Variants in LRRC4C observed in about 807,000 individuals in gnomAD.
The protein encoded by LRRC4C is leucine rich repeat containing 4C.
Under a neutral mutation model 33.6 loss-of-function variants are expected in LRRC4C, and 5 were observed. That is an observed-to-expected ratio of 0.15 (90% CI 0.08 to 0.31). The LOEUF (loss-of-function observed/expected upper bound fraction) is 0.31. LRRC4C is among the 10% of genes least tolerant of loss of function. The pLI, the probability that LRRC4C is intolerant of heterozygous loss-of-function variation, is 1.00. For missense variants in LRRC4C, 560 were observed against 796.7 expected, an observed-to-expected ratio of 0.70 and a Z score of 3.58; for synonymous variants, 329 against 302.0, an observed-to-expected ratio of 1.09 and a Z score of -0.93.
chr11:40,336,873 A>T lies in LRRC4C; in HGVS notation c.-269-17152T>A, dbSNP rs1329867635. On this transcript the variant is annotated intron_variant, in intron 3 of 6. Coordinates refer to ENST00000528697, the MANE Select transcript of LRRC4C (RefSeq NM_001258419.2). ...GCGCCTGTAGTCCCAGCTACTCGGG[A>T]GGCTGAGGCAGGAGAATGGCGTGAA... Among the ~76,000 whole-genome samples, 8 of 145,200 alleles carry T rather than the reference A, an allele frequency of 5.5e-5. No individual in the cohort carries two copies. The East Asian group carries it at 6.4e-4, about 12-fold the overall frequency.
intron 1 of LRRC4C, among the ~76,000 whole-genome samples, chr11:41,228,100 T>C (rs1010391945): frequency 6.2e-5 from 9 of 146,022 alleles, no homozygotes; most frequent in African/African-American, 2.2e-4. Context: ...TAGCATATAT[T>C]ATATCAGTCT....
chr11:40,802,474 A>G (rs1210257679), intron 2 of LRRC4C, among the ~76,000 whole-genome samples: 1 of 151,428 alleles, frequency 6.6e-6, no homozygotes, highest in Non-Finnish European at 1.5e-5. Context: ...AAACACCCAG[A>G]AATTGGACAT....
intron 1 of LRRC4C, among the ~76,000 whole-genome samples, chr11:41,093,905 C>A (rs1590543835): frequency 9.1e-6 from 1 of 110,098 alleles, no homozygotes; most frequent in Non-Finnish European, 1.7e-5. Flanking sequence ...TCCTGGCTAA[C>A]ATGATGAAAC....
intron 3 of LRRC4C, among the ~76,000 whole-genome samples, chr11:40,613,802 A>G (rs985008336): frequency 6.6e-6 from 1 of 151,872 alleles, no homozygotes; most frequent in Non-Finnish European, 1.5e-5. Context: ...CAGGCAAAAG[A>G]AATCATTAAC....
At chr11:40,997,930 G>A (rs1044170312) in intron 1 of LRRC4C, among the ~76,000 whole-genome samples, 1 of 152,074 alleles carries the variant, frequency 6.6e-6, no homozygotes, top group African/African-American at 2.4e-5. Flanking sequence ...TCTTTGAGCT[G>A]TCCAAATAAT....
intron 1 of LRRC4C, among the ~76,000 whole-genome samples, chr11:41,365,920 T>C (rs1360176727): frequency 2.0e-5 from 3 of 152,196 alleles, no homozygotes; most frequent in Non-Finnish European, 4.4e-5. Context: ...AATATTTAAT[T>C]TTTCAGAATT....
At chr11:40,902,809 G>A (rs71484125) in intron 2 of LRRC4C, among the ~76,000 whole-genome samples, 1 of 152,122 alleles carries the variant, frequency 6.6e-6, no homozygotes, top group African/African-American at 2.4e-5. Flanking sequence ...GGCTGAGAGA[G>A]GTGAGGAACC....
chr11:40,680,134 A>G (rs1481254220), intron 2 of LRRC4C, among the ~76,000 whole-genome samples: 2 of 152,316 alleles, frequency 1.3e-5, no homozygotes, highest in African/African-American at 4.8e-5. Flanking sequence ...GTCCTGCTGG[A>G]TAATCGAACT....
At chr11:41,438,650 A>G (rs1454382779) in intron 1 of LRRC4C, among the ~76,000 whole-genome samples, 1 of 152,186 alleles carries the variant, frequency 6.6e-6, no homozygotes, top group East Asian at 1.9e-4. Context: ...AAACAAGTAA[A>G]TGTCAAACCA....
chr11:40,879,182 T>G (rs550203071), intron 2 of LRRC4C, among the ~76,000 whole-genome samples: 19 of 152,208 alleles, frequency 1.2e-4, no homozygotes, highest in African/African-American at 4.1e-4. Context: ...TCTGAAAAGG[T>G]ATTTTGACAA....
At chr11:41,207,468 C>T (rs1946647187) in intron 1 of LRRC4C, among the ~76,000 whole-genome samples, 1 of 152,028 alleles carries the variant, frequency 6.6e-6, no homozygotes, top group Non-Finnish European at 1.5e-5. Flanking sequence ...GAGATAATGG[C>T]TTTAAGGAGG....
chr11:40,229,213 A>G (rs928775682), intron 5 of LRRC4C, among the ~76,000 whole-genome samples: 2 of 152,090 alleles, frequency 1.3e-5, no homozygotes, highest in Non-Finnish European at 2.9e-5. Context: ...ATTGCAATAT[A>G]CTATTTAAAA....
At position 41,152,053 on chromosome 11, in the gene LRRC4C, G is replaced by A. The variant is rs138107656; in HGVS notation, c.-495-218330C>T. ...TTTATCTGTGAACTTCATGGACCAC[G>A]AACTCCCTTGTTCTCTGTTCACTGT... On this transcript the variant is annotated intron_variant, in intron 1 of 6. Transcript: ENST00000528697. Among the ~76,000 whole-genome samples, 524 of 152,118 alleles carry A rather than the reference G, an allele frequency of 3.4e-3. 3 individuals are homozygous for A. Among genetic ancestry groups the A allele is most frequent in the African/African-American group, 0.012 (492 of 41,490 alleles).
chr11:40,982,547 G>A (rs1284080072), intron 1 of LRRC4C, among the ~76,000 whole-genome samples: 1 of 152,136 alleles, frequency 6.6e-6, no homozygotes, highest in Non-Finnish European at 1.5e-5. Flanking sequence ...GATTAGTTTT[G>A]AGATGGGGCT....
intron 2 of LRRC4C, among the ~76,000 whole-genome samples, chr11:40,891,601 T>C (rs900235118): frequency 6.6e-6 from 1 of 152,054 alleles, no homozygotes; most frequent in Non-Finnish European, 1.5e-5. Flanking sequence ...AGGATCTAAA[T>C]AGATATTTTT....
At chr11:40,221,045 T>A (rs1167781109) in intron 5 of LRRC4C, among the ~76,000 whole-genome samples, 2 of 152,072 alleles carry the variant, frequency 1.3e-5, no homozygotes, top group African/African-American at 4.8e-5. Context: ...CCAGCTAATT[T>A]TTGTTTTTTT....
At chr11:40,731,067 C>T (rs1420324526) in intron 2 of LRRC4C, among the ~76,000 whole-genome samples, 1 of 152,162 alleles carries the variant, frequency 6.6e-6, no homozygotes, top group Non-Finnish European at 1.5e-5. Context: ...CGCCTGTAAT[C>T]CCAGCATTCT....
In LRRC4C at chr11:40,115,030, T is replaced by G. The variant is rs777356006; in HGVS notation, c.1263A>C (p.Thr421=). 2 of 1,614,136 alleles carry G rather than the reference T, an allele frequency of 1.2e-6. No homozygotes were observed. Among genetic ancestry groups the G allele is most frequent in the African/African-American group, 2.7e-5 (2 of 74,944 alleles). ...TACTCACCATACATGTGTACATGCC[T>G]GTATCTTGCACAGTTACATTTGTGA... ...LNFTNVTVQD[T]GMYTCMVSNS... is the part of the protein sequence containing the mutation. Residue 421 remains threonine, a synonymous_variant, in exon 7 of 7, where the codon ACA becomes ACC. Coordinates refer to ENST00000528697, the MANE Select transcript of LRRC4C (RefSeq NM_001258419.2). This position sits in a 1 kb window ranked among gnomAD's most constrained non-coding sequence, Gnocchi z 6.7.
chr11:40,331,110 CA>C (rs1420923486), intron 3 of LRRC4C, among the ~76,000 whole-genome samples: 1 of 151,994 alleles, frequency 6.6e-6, no homozygotes, highest in Non-Finnish European at 1.5e-5. Flanking sequence ...TGACTATTAT[CA>C]AAAAGACAAA....
Sources: allele counts gnomAD v4.1 joint callset (sites outside exome capture counted in the v4.1 genomes callset), GRCh38; gene constraint gnomAD v4.1.1; non-coding constraint Gnocchi (gnomAD v3.1); transcripts MANE v1.5; gene names NCBI Gene and HGNC (gene_info 2026-07-23, HGNC 2026-07-21).